Variants in ARK2C observed in about 807,000 individuals in gnomAD.
The protein encoded by ARK2C is arkadia (RNF111) C-terminal like ring finger ubiquitin ligase 2C.
At chr18:46,455,955 C>G in the ARK2C span, 3 of 1,534,580 alleles carry the variant, frequency 2.0e-6, no homozygotes. Flanking sequence ...ATGAATACTA[C>G]TCTCTCTGCT....
At chr18:46,372,501 A>G in the ARK2C span, among the ~76,000 whole-genome samples, 5 of 152,186 alleles carry the variant, frequency 3.3e-5, no homozygotes, top group South Asian at 4.1e-4. Context: ...ATGTGGGGCC[A>G]CCTTAGTAAG....
At chr18:46,456,819 A>G in the ARK2C span, 4 of 580,084 alleles carry the variant, frequency 6.9e-6, no homozygotes, top group Admixed American at 1.1e-4. Flanking sequence ...GGGAGGACCC[A>G]CCTCTCCAGA....
the ARK2C span, chr18:46,435,546 C>T: frequency 2.0e-5 from 13 of 650,042 alleles, no homozygotes; most frequent in African/African-American, 2.3e-4. Flanking sequence ...CTCCCAGCCA[C>T]CCTCTGGGCC....
chr18:46,404,448 C>G, the ARK2C span, among the ~76,000 whole-genome samples: 1 of 152,112 alleles, frequency 6.6e-6, no homozygotes, highest in Non-Finnish European at 1.5e-5. Context: ...TCATTTCACT[C>G]TCATTAAAAC....
chr18:46,439,348 G>T, the ARK2C span, among the ~76,000 whole-genome samples: 1 of 152,156 alleles, frequency 6.6e-6, no homozygotes, highest in African/African-American at 2.4e-5. Flanking sequence ...AGCATAGGAA[G>T]TTAGTGATCA....
chr18:46,422,301 C>G, the ARK2C span, among the ~76,000 whole-genome samples: 1 of 152,220 alleles, frequency 6.6e-6, no homozygotes, highest in South Asian at 2.1e-4. Flanking sequence ...CCCAAGCACC[C>G]TGCCTCTGAA....
At chr18:46,424,628 G>C in the ARK2C span, among the ~76,000 whole-genome samples, 6 of 152,120 alleles carry the variant, frequency 3.9e-5, no homozygotes, top group African/African-American at 1.4e-4. Flanking sequence ...TAGCCTCCCC[G>C]TGAATAAGAT....
At chr18:46,453,858 G>C in the ARK2C span, among the ~76,000 whole-genome samples, 1 of 151,810 alleles carries the variant, frequency 6.6e-6, no homozygotes, top group Non-Finnish European at 1.5e-5. Flanking sequence ...GGGCACACTG[G>C]CTCATGCACT....
At chr18:46,343,500 A>T in the ARK2C span, among the ~76,000 whole-genome samples, 1 of 152,212 alleles carries the variant, frequency 6.6e-6, no homozygotes, top group Non-Finnish European at 1.5e-5. Flanking sequence ...ATCATCACTG[A>T]CATTCTTCAT....
chr18:46,414,872 G>A, the ARK2C span, among the ~76,000 whole-genome samples: 26 of 152,312 alleles, frequency 1.7e-4, no homozygotes, highest in Non-Finnish European at 3.5e-4. Context: ...TTTTCATTTT[G>A]TGTCATCACA....
the ARK2C span, among the ~76,000 whole-genome samples, chr18:46,355,932 A>T: frequency 1.3e-5 from 2 of 152,176 alleles, no homozygotes; most frequent in East Asian, 3.9e-4. Flanking sequence ...ATGATGATGC[A>T]GATGGGCCTC....
chr18:46,435,564 C>T, the ARK2C span, among the ~76,000 whole-genome samples: 1 of 152,188 alleles, frequency 6.6e-6, no homozygotes, highest in Non-Finnish European at 1.5e-5. Context: ...GCCAGATGGT[C>T]CCACGTGAGC....
At chr18:46,377,794 A>C in the ARK2C span, among the ~76,000 whole-genome samples, 1 of 152,148 alleles carries the variant, frequency 6.6e-6, no homozygotes, top group Non-Finnish European at 1.5e-5. Flanking sequence ...GGTTGAAAGC[A>C]CTCTGGGCAG....
chr18:46,413,190 T>G, the ARK2C span, among the ~76,000 whole-genome samples: 3 of 151,874 alleles, frequency 2.0e-5, no homozygotes, highest in South Asian at 6.2e-4. Flanking sequence ...CTCTCTCGAG[T>G]GGAATTAGAA....
chr18:46,373,926 G>C, the ARK2C span, among the ~76,000 whole-genome samples: 1 of 151,800 alleles, frequency 6.6e-6, no homozygotes, highest in Non-Finnish European at 1.5e-5. Flanking sequence ...TTTCCCAGAA[G>C]CAGATGGACA....
the ARK2C span, among the ~76,000 whole-genome samples, chr18:46,396,670 C>T: frequency 6.6e-6 from 1 of 152,230 alleles, no homozygotes; most frequent in Non-Finnish European, 1.5e-5. Context: ...ATTTTGTTCA[C>T]TTCTCGGCCT....
chr18:46,358,203 C>A, the ARK2C span, among the ~76,000 whole-genome samples: 1 of 152,148 alleles, frequency 6.6e-6, no homozygotes, highest in Non-Finnish European at 1.5e-5. Context: ...AGCTGGACCC[C>A]CTGTGAGGGC....
the ARK2C span, among the ~76,000 whole-genome samples, chr18:46,455,383 A>G: frequency 9.0e-3 from 1,371 of 152,296 alleles, 18 homozygotes; most frequent in African/African-American, 0.031. Context: ...AACTGTGCAC[A>G]GTCATAGCTT....
chr18:46,450,840 G>T, the ARK2C span: 1 of 1,453,782 alleles, frequency 6.9e-7, no homozygotes, highest in African/African-American at 1.4e-5. Context: ...TCAGGGAATG[G>T]GGCAGGGGGG....
Sources: allele counts gnomAD v4.1 joint callset (sites outside exome capture counted in the v4.1 genomes callset), GRCh38; gene constraint gnomAD v4.1.1; transcripts MANE v1.5; gene names NCBI Gene and HGNC (gene_info 2026-07-23, HGNC 2026-07-21).